ATP2C2: variants seen among roughly 807,000 people sequenced by gnomAD.
The protein encoded by ATP2C2 is calcium-transporting ATPase type 2C member 2.
ATP2C2 carries 171 observed loss-of-function variants against 110.8 expected under a neutral mutation model. That is an observed-to-expected ratio of 1.54 (90% confidence interval 1.36 to 1.75). The LOEUF is 1.75. Among genes scored for constraint, ATP2C2 ranks in the 40% most tolerant of loss-of-function variants. ATP2C2 has a pLI of 0.00. For missense variants in ATP2C2, 1,963 were observed against 1,235.0 expected (o/e 1.59, Z -8.84); for synonymous variants, 804 against 508.4 (o/e 1.58, Z -7.82).
At chr16:84,393,251 G>A (rs974632711) in intron 1 of ATP2C2, among the ~76,000 whole-genome samples, 1 of 152,148 alleles carries the variant, frequency 6.6e-6, no homozygotes, top group Non-Finnish European at 1.5e-5. Context: ...GAATCAACCC[G>A]GGGCAGATTA....
chr16:84,374,698 G>C (rs1313539441), intron 1 of ATP2C2, among the ~76,000 whole-genome samples: 1 of 152,096 alleles, frequency 6.6e-6, no homozygotes, highest in African/African-American at 2.4e-5. Context: ...TTTCATTTGT[G>C]TGCACACAAA....
chr16:84,463,809 A>C lies in ATP2C2; in HGVS notation c.*77A>C. Reference sequence around the variant, plus strand: ...GTGGCCCCTGCCGTGTCTCCTCGTCAGGGGAGACTTTTAGGAGGCCGCAGC... The same window carrying C: ...GTGGCCCCTGCCGTGTCTCCTCGTCCGGGGAGACTTTTAGGAGGCCGCAGC... On this transcript the variant is annotated 3_prime_UTR_variant, in exon 27 of 27. Transcript: ENST00000262429. 4 of 1,305,130 alleles carry C rather than the reference A, an allele frequency of 3.1e-6. No individual in the cohort carries two copies. The highest frequency in any genetic ancestry group is 4.4e-6 in the Non-Finnish European group (4 of 906,900). The allele number at this position is 1,305,130 out of a possible 1,614,324, so 80.8% of individuals were successfully genotyped here.
chr16:84,455,303 G>C (rs1466567788), intron 21 of ATP2C2, among the ~76,000 whole-genome samples: 1 of 152,172 alleles, frequency 6.6e-6, no homozygotes, highest in East Asian at 1.9e-4. Flanking sequence ...CCTGGCTCAG[G>C]CTGGTGGGCA....
Position 84,398,627 on chromosome 16 carries a change from A to C in ATP2C2, c.210+18A>C. The C allele has an allele frequency of 1.3e-6, 2 of 1,569,434 alleles. No homozygotes were observed. The highest frequency in any genetic ancestry group is 1.7e-6 in the Non-Finnish European group (2 of 1,146,088). On this transcript the variant is annotated intron_variant, in intron 2 of 26. Transcript: ENST00000262429. ...CGTTTTGTGTAAGAATTGAATTTGC[A>C]TCTGGAGCTAATTGTGATAAGGTTT...
chr16:84,451,650 C>A (rs1300217027), intron 17 of ATP2C2, among the ~76,000 whole-genome samples: 2 of 152,088 alleles, frequency 1.3e-5, no homozygotes, highest in East Asian at 3.9e-4. Flanking sequence ...CCAGCCTGGC[C>A]AACATGGTGA....
At chr16:84,431,077 C>G (rs1013087718) in intron 11 of ATP2C2, among the ~76,000 whole-genome samples, 1 of 152,160 alleles carries the variant, frequency 6.6e-6, no homozygotes, top group African/African-American at 2.4e-5. Context: ...TCAGGTAGAT[C>G]TCTGCCCTCC....
intron 11 of ATP2C2, among the ~76,000 whole-genome samples, chr16:84,436,022 G>A (rs1401846319): frequency 6.6e-6 from 1 of 151,990 alleles, no homozygotes; most frequent in Non-Finnish European, 1.5e-5. Flanking sequence ...CCAGCTACGC[G>A]GGAGGCTGAG....
chr16:84,410,736 G>A lies in ATP2C2; in HGVS notation c.486G>A (p.Leu162=). ...EYRSEKSLEE[L]TKLVPPECNC... ...GGTCGGAGAAATCTCTGGAAGAGCT[G>A]ACCAAGCTGGTTCCTCCAGAATGTA... Residue 162 remains leucine, a synonymous_variant, in exon 6 of 27, where the codon CTG becomes CTA. Transcript: ENST00000262429. 1.9e-6 allele frequency: 3 copies of A among 1,614,172 alleles called. No homozygotes were observed. The highest frequency in any genetic ancestry group is 1.1e-5 in the South Asian group (1 of 91,060).
chr16:84,372,173 G>C (rs990812130), intron 1 of ATP2C2, among the ~76,000 whole-genome samples: 1 of 152,146 alleles, frequency 6.6e-6, no homozygotes, highest in Non-Finnish European at 1.5e-5. Flanking sequence ...GGGGATCGTT[G>C]AAGGGTTTTA....
chr16:84,425,105 T>G (rs1168694175), intron 10 of ATP2C2, among the ~76,000 whole-genome samples: 1 of 152,130 alleles, frequency 6.6e-6, no homozygotes, highest in African/African-American at 2.4e-5. Flanking sequence ...CACACCCCGC[T>G]ACCATCCATC....
At chr16:84,452,216 T>C in intron 18 of ATP2C2, 125 bp downstream of exon 18, 1 of 1,165,388 alleles carries the variant, frequency 8.6e-7, no homozygotes. Context: ...CCTACAGGCT[T>C]AGAAAAGACG....
intron 1 of ATP2C2, among the ~76,000 whole-genome samples, chr16:84,397,673 A>AAAAAAAAAAAAAAAAAAAAAAAAAAAAAG (rs1905079752): frequency 7.1e-6 from 1 of 140,404 alleles, no homozygotes; most frequent in Non-Finnish European, 1.5e-5. Flanking sequence ...AAAAAAAAAA[A>AAAAAAAAAAAAAAAAAAAAAAAAAAAAAG]CTTGCTTAAA....
intron 26 of ATP2C2, chr16:84,462,949 T>G (rs1234824881): frequency 6.5e-6 from 1 of 153,748 alleles, no homozygotes; most frequent in Non-Finnish European, 1.4e-5. Context: ...GATGGTCAAC[T>G]CTGCCTTGTC....
intron 11 of ATP2C2, among the ~76,000 whole-genome samples, chr16:84,435,425 T>A (rs561832994): frequency 1.3e-5 from 2 of 152,342 alleles, no homozygotes; most frequent in East Asian, 3.9e-4. Flanking sequence ...GTGCTCACTG[T>A]GTGCTAGGCC....
chr16:84,409,086 G>C (rs1906041735), intron 4 of ATP2C2, among the ~76,000 whole-genome samples: 1 of 152,148 alleles, frequency 6.6e-6, no homozygotes, highest in South Asian at 2.1e-4. Flanking sequence ...TCTGTGGGTT[G>C]AATGACCTAT....
intron 2 of ATP2C2, among the ~76,000 whole-genome samples, chr16:84,402,020 T>C (rs1276822770): frequency 2.0e-5 from 3 of 152,232 alleles, no homozygotes; most frequent in Non-Finnish European, 4.4e-5. Context: ...CAATGTTTTA[T>C]AGTTTTCATT....
At position 84,454,886 on chromosome 16, in the gene ATP2C2, G is replaced by A. The variant is rs372766567; in HGVS notation, c.2049G>A (p.Lys683=). 190 of 1,613,978 alleles carry A rather than the reference G, an allele frequency of 1.2e-4. No individual in the cohort carries two copies. The highest frequency in any genetic ancestry group is 1.5e-4 in the Non-Finnish European group (181 of 1,179,984). ...GDGVNDAVAL[K]SADIGIAMGQ... ...GGGTGAACGACGCAGTGGCCCTGAA[G>A]TCTGCAGACATTGGGATCGCCATGG... Residue 683 remains lysine, a synonymous_variant, in exon 21 of 27, where the codon AAG becomes AAA. Transcript: ENST00000262429.
intron 6 of ATP2C2, 59 bp from the exon 7 acceptor site, chr16:84,415,424 A>G (rs977205586): frequency 1.1e-5 from 15 of 1,348,256 alleles, no homozygotes; most frequent in South Asian, 2.3e-5. Flanking sequence ...AAATGTATCA[A>G]GGTGCATAAA....
intron 11 of ATP2C2, among the ~76,000 whole-genome samples, chr16:84,437,471 A>G (rs1421110944): frequency 6.6e-6 from 1 of 152,116 alleles, no homozygotes; most frequent in Non-Finnish European, 1.5e-5. Context: ...TGATCCTCCC[A>G]AAGTGCTGGT....
Sources: allele counts gnomAD v4.1 joint callset (sites outside exome capture counted in the v4.1 genomes callset), GRCh38; gene constraint gnomAD v4.1.1; transcripts MANE v1.5; gene names NCBI Gene and HGNC (gene_info 2026-07-23, HGNC 2026-07-21).